CPEB1: variants seen among roughly 807,000 people sequenced by gnomAD.
The protein encoded by CPEB1 is cytoplasmic polyadenylation element binding protein 1, also known as cytoplasmic polyadenylation element-binding protein 1.
A neutral mutation model predicts 65.8 loss-of-function variants in CPEB1; 7 were observed. That is an observed-to-expected ratio of 0.11 (90% CI 0.06 to 0.20). The LOEUF (loss-of-function observed/expected upper bound fraction) is 0.20, where lower values mean the gene tolerates loss of function less well. CPEB1 is among the 10% of genes least tolerant of loss of function. The probability of loss-of-function intolerance (pLI) is 1.00; values close to 1 mark genes in which losing one functional copy is unlikely to be tolerated. For synonymous variants in CPEB1, 262 were observed against 260.0 expected, an observed-to-expected ratio of 1.01 and a Z score of -0.08; for missense variants, 551 against 712.2, an observed-to-expected ratio of 0.77 and a Z score of 2.58.
intron 3 of CPEB1, among the ~76,000 whole-genome samples, chr15:82,604,691 A>C (rs145306224): frequency 2.0e-5 from 3 of 152,330 alleles, no homozygotes; most frequent in South Asian, 2.1e-4. Flanking sequence ...AAAGAAAAAC[A>C]ATCAGCAAGG....
chr15:82,644,180 C>A (rs2047316084), intron 1 of CPEB1, among the ~76,000 whole-genome samples: 3 of 152,260 alleles, frequency 2.0e-5, no homozygotes, highest in African/African-American at 7.2e-5. Flanking sequence ...TGTACTAACA[C>A]TCAGAAGACC....
At chr15:82,602,165 T>C (rs1254554254) in intron 3 of CPEB1, among the ~76,000 whole-genome samples, 1 of 152,164 alleles carries the variant, frequency 6.6e-6, no homozygotes, top group Non-Finnish European at 1.5e-5. Flanking sequence ...GGATGTTCTA[T>C]GACCATAGTG....
At chr15:82,582,737 CTTTTTTTTTT>C (rs11300517) in intron 3 of CPEB1, among the ~76,000 whole-genome samples, 5 of 87,400 alleles carry the variant, frequency 5.7e-5, no homozygotes, top group African/African-American at 2.5e-4. Context: ...ACTAGGAGTT[CTTTTTTTTTT>C]TTTTTTTTTT....
rs76655835 is a variant in CPEB1, at chr15:82,587,892, T to A, written c.272-16360A>T. ...GTTCAGTACTTCTAAGATTCTACTA[T>A]GAGGATAACGGCCAAATTTTGTTTT... is the stretch of plus-strand genomic sequence containing the variant. On this transcript the variant is annotated intron_variant, in intron 3 of 12. Transcript: ENST00000684509. Among the ~76,000 whole-genome samples, 1,020 of 152,108 alleles carry A rather than the reference T, an allele frequency of 6.7e-3. 7 individuals carry two copies. The highest frequency in any genetic ancestry group is 0.023 in the African/African-American group (952 of 41,500).
At chr15:82,602,212 G>A (rs2043179168) in intron 3 of CPEB1, among the ~76,000 whole-genome samples, 1 of 152,090 alleles carries the variant, frequency 6.6e-6, no homozygotes, top group Non-Finnish European at 1.5e-5. Context: ...AAGACAACTA[G>A]AAAGTCCCAA....
intron 1 of CPEB1, among the ~76,000 whole-genome samples, chr15:82,631,689 G>T (rs1250374123): frequency 2.4e-4 from 36 of 152,106 alleles, no homozygotes; most frequent in Admixed American, 2.3e-3. Flanking sequence ...AAGACCTATG[G>T]CAACTATTTC....
At chr15:82,627,951 G>A (rs2045913475) in intron 2 of CPEB1, among the ~76,000 whole-genome samples, 1 of 152,098 alleles carries the variant, frequency 6.6e-6, no homozygotes, top group Admixed American at 6.5e-5. Flanking sequence ...CACCCAGAAT[G>A]CCATGAATTC....
At chr15:82,626,680 C>T (rs1017106966) in intron 3 of CPEB1, among the ~76,000 whole-genome samples, 30 of 152,048 alleles carry the variant, frequency 2.0e-4, no homozygotes, top group Admixed American at 1.1e-3. Context: ...TTAAAACATT[C>T]GAGAGCTACA....
Position 82,627,327 on chromosome 15 carries a change from T to C in CPEB1, c.137A>G (p.Gln46Arg), listed in dbSNP as rs748604452. The change falls in exon 3 of 13, where the codon CAG becomes CGG. Residue 46 changes from glutamine (Q) to arginine (R), a missense_variant. Gln to Arg is a conservative substitution (Grantham distance 43). Coordinates refer to ENST00000684509, the MANE Select transcript of CPEB1 (RefSeq NM_001365242.1). ...ACACGTGGAGAGAGCAGGTGCTTCC[T>C]GGTTGTCCCAGCAATCTTTTATCCT... is the stretch of plus-strand genomic sequence containing the variant. ...AGRIKDCWDN[Q>R]EAPALSTCSN... 1 of 1,613,400 alleles carries C rather than the reference T, an allele frequency of 6.2e-7. No homozygotes were observed. The highest frequency in any genetic ancestry group is 1.1e-5 in the South Asian group (1 of 90,932).
intron 3 of CPEB1, among the ~76,000 whole-genome samples, chr15:82,581,199 C>G (rs1272181803): frequency 6.6e-6 from 1 of 152,212 alleles, no homozygotes; most frequent in Non-Finnish European, 1.5e-5. Flanking sequence ...TGGCCCCAAA[C>G]TCCTGGGCTC....
chr15:82,606,816 T>TA (rs2043650083), intron 3 of CPEB1, among the ~76,000 whole-genome samples: 1 of 31,504 alleles, frequency 3.2e-5, no homozygotes, highest in African/African-American at 2.0e-4. Context: ...AGACTCCGTC[T>TA]CAAAAAAAAA....
intron 9 of CPEB1, among the ~76,000 whole-genome samples, chr15:82,550,642 T>G (rs2036075294): frequency 6.6e-6 from 1 of 152,148 alleles, no homozygotes; most frequent in South Asian, 2.1e-4. Context: ...ACAAAAGAGT[T>G]TGGGATTACA....
intron 1 of CPEB1, among the ~76,000 whole-genome samples, chr15:82,631,982 CTTTT>C (rs10656923): frequency 8.0e-6 from 1 of 125,004 alleles, no homozygotes; most frequent in Non-Finnish European, 1.6e-5. Context: ...ATTTTTTTCT[CTTTT>C]TTTTTTTTTT....
chr15:82,632,938 C>T (rs1424705682), intron 1 of CPEB1, among the ~76,000 whole-genome samples: 1 of 152,166 alleles, frequency 6.6e-6, no homozygotes, highest in East Asian at 1.9e-4. Context: ...TTTGTGTAGT[C>T]CATCTGAACT....
intron 4 of CPEB1, among the ~76,000 whole-genome samples, chr15:82,560,407 T>G (rs926529562): frequency 4.6e-5 from 7 of 151,434 alleles, no homozygotes; most frequent in South Asian, 2.1e-4. Flanking sequence ...TTTGTTTTTT[T>G]TTTTTTTTTT....
At chr15:82,608,732 CT>C (rs1392705519) in intron 3 of CPEB1, among the ~76,000 whole-genome samples, 6 of 151,736 alleles carry the variant, frequency 4.0e-5, no homozygotes, top group South Asian at 2.1e-4. Flanking sequence ...GGTCCTTATT[CT>C]GCCATTTCAC....
upstream of CPEB1, chr15:82,648,222 A>C: frequency 7.8e-6 from 2 of 256,648 alleles, no homozygotes; most frequent in Non-Finnish European, 7.4e-6. Flanking sequence ...GCCATCACCT[A>C]AGTGACCCTT....
intron 1 of CPEB1, among the ~76,000 whole-genome samples, chr15:82,634,184 GTTTT>G (rs34681847): frequency 6.8e-6 from 1 of 146,672 alleles, no homozygotes; most frequent in African/African-American, 2.5e-5. Flanking sequence ...CATATAACTG[GTTTT>G]TTTTTTTTTC....
chr15:82,637,896 G>A, intron 1 of CPEB1: 2 of 410,118 alleles, frequency 4.9e-6, no homozygotes, highest in Non-Finnish European at 9.8e-6. Flanking sequence ...TCACCCATTA[G>A]AAATTAAAAA....
Sources: gnomAD v4.1 joint callset for allele counts (sites outside exome capture counted in the v4.1 genomes callset) on GRCh38, gnomAD v4.1.1 for gene constraint, MANE v1.5 for transcripts, NCBI Gene and HGNC (gene_info 2026-07-23, HGNC 2026-07-21) for gene names.